GFOD2: variants seen among roughly 807,000 people sequenced by gnomAD.
The protein encoded by GFOD2 is glucose-fructose oxidoreductase domain-containing protein 2.
Under a neutral mutation model 24.6 loss-of-function variants are expected in GFOD2, and 9 were observed. The observed-to-expected ratio is 0.37, with a 90% confidence interval of 0.22 to 0.64. GFOD2 has a LOEUF of 0.64. Among genes scored for constraint, GFOD2 ranks in the 30% least tolerant of loss-of-function variants. GFOD2 has a pLI of 0.65. For missense variants in GFOD2, 476 were observed against 532.5 expected (o/e 0.89, Z 1.04); for synonymous variants, 211 against 224.8 (o/e 0.94, Z 0.55).
At chr16:67,716,264 T>C (rs779962944) in intron 1 of GFOD2, among the ~76,000 whole-genome samples, 5 of 152,212 alleles carry the variant, frequency 3.3e-5, no homozygotes, top group Non-Finnish European at 7.3e-5. Flanking sequence ...TTCCTCATGG[T>C]TGGCCTGTCA....
intron 2 of GFOD2, chr16:67,676,271 G>A: frequency 3.5e-6 from 2 of 571,350 alleles, no homozygotes; most frequent in Non-Finnish European, 6.1e-6. Context: ...GGGACCACAG[G>A]TGTGTACCAC....
intron 1 of GFOD2, among the ~76,000 whole-genome samples, chr16:67,716,986 T>C (rs2053511111): frequency 6.6e-6 from 1 of 152,166 alleles, no homozygotes; most frequent in Non-Finnish European, 1.5e-5. Context: ...AAATTTTGCC[T>C]CCCAGGTTCA....
intron 1 of GFOD2, among the ~76,000 whole-genome samples, chr16:67,686,110 TA>T (rs560322900): frequency 6.2e-4 from 94 of 152,016 alleles, no homozygotes; most frequent in African/African-American, 2.0e-3. Context: ...TCATCTCTAT[TA>T]AAAAATATAT....
At chr16:67,712,920 G>A (rs2053486169) in intron 1 of GFOD2, among the ~76,000 whole-genome samples, 1 of 117,908 alleles carries the variant, frequency 8.5e-6, no homozygotes, top group Non-Finnish European at 1.6e-5. Flanking sequence ...GATGTGGGGA[G>A]CACCTCTGCC....
chr16:67,682,433 G>A, intron 2 of GFOD2: 3 of 985,270 alleles, frequency 3.0e-6, no homozygotes, highest in Non-Finnish European at 3.6e-6. Context: ...ATTCAACTGT[G>A]GCAAAGATGC....
chr16:67,715,835 C>CAAA (rs780303741), intron 1 of GFOD2, among the ~76,000 whole-genome samples: 2 of 124,696 alleles, frequency 1.6e-5, no homozygotes, highest in Non-Finnish European at 3.5e-5. Flanking sequence ...CCCATCTCTA[C>CAAA]AAAAAAAAAA....
At chr16:67,702,533 G>A (rs138015262) in intron 1 of GFOD2, among the ~76,000 whole-genome samples, 23 of 150,272 alleles carry the variant, frequency 1.5e-4, no homozygotes, top group Non-Finnish European at 3.2e-4. Context: ...CCTGCCCTAC[G>A]CTCTGTTATA....
In GFOD2 at chr16:67,682,226, C is replaced by T. The variant is rs993626308; in HGVS notation, c.259+3231G>A. ...CTAATTTTTGTGTTTTTAGTATAGACGAGGTTTCACCAGGTTGGTCAGGCT... is the reference window on the plus strand; with the variant it reads ...CTAATTTTTGTGTTTTTAGTATAGATGAGGTTTCACCAGGTTGGTCAGGCT... On this transcript the variant is annotated intron_variant, in intron 2 of 2. Coordinates refer to ENST00000268797, the MANE Select transcript of GFOD2 (RefSeq NM_030819.4). 6.8e-5 allele frequency: 26 copies of T among 384,020 alleles called. No homozygotes were observed. The Admixed American group carries it at 1.3e-3, about 19-fold the overall frequency. 23.8% of individuals were successfully genotyped at this position (384,020 alleles called of 1,614,324 possible). A position where few individuals can be genotyped will look rare whatever the true frequency, so the allele number is the denominator to read the frequency against.
At chr16:67,680,311 G>C (rs113675453) in intron 2 of GFOD2, 1 of 152,386 alleles carries the variant, frequency 6.6e-6, no homozygotes, top group Non-Finnish European at 1.5e-5. Flanking sequence ...TAGGGTGGAA[G>C]AATCACTTGA....
chr16:67,711,511 G>C (rs1002319882), intron 1 of GFOD2, among the ~76,000 whole-genome samples: 4 of 152,090 alleles, frequency 2.6e-5, no homozygotes, highest in African/African-American at 9.7e-5. Flanking sequence ...GTTCCATTCA[G>C]TGTCATGGCT....
At chr16:67,716,960 G>C (rs1333559753) in intron 1 of GFOD2, among the ~76,000 whole-genome samples, 1 of 152,044 alleles carries the variant, frequency 6.6e-6, no homozygotes, top group African/African-American at 2.4e-5. Context: ...GCAATGGCGC[G>C]ATCTCGACTC....
intron 2 of GFOD2, chr16:67,683,435 C>T (rs951725109): frequency 1.1e-4 from 138 of 1,229,660 alleles, no homozygotes; most frequent in Non-Finnish European, 1.3e-4. Flanking sequence ...TGACCAATAG[C>T]GGCTTGCTTC....
chr16:67,711,260 C>G (rs2053471187), intron 1 of GFOD2, among the ~76,000 whole-genome samples: 1 of 152,166 alleles, frequency 6.6e-6, no homozygotes, highest in Non-Finnish European at 1.5e-5. Flanking sequence ...CAATTAAATC[C>G]AGTGGTCAAT....
chr16:67,701,301 A>G (rs1372888075), intron 1 of GFOD2, among the ~76,000 whole-genome samples: 1 of 152,198 alleles, frequency 6.6e-6, no homozygotes, highest in Non-Finnish European at 1.5e-5. Flanking sequence ...ACAAAAACCT[A>G]TATGTGAATG....
chr16:67,708,044 T>C (rs2053450398), intron 1 of GFOD2, among the ~76,000 whole-genome samples: 1 of 152,344 alleles, frequency 6.6e-6, no homozygotes, highest in South Asian at 2.1e-4. Context: ...GGCTACATTC[T>C]AGAGTGATGG....
At chr16:67,690,143 A>G (rs2053300038) in intron 1 of GFOD2, among the ~76,000 whole-genome samples, 1 of 152,220 alleles carries the variant, frequency 6.6e-6, no homozygotes, top group South Asian at 2.1e-4. Context: ...CATGGTGTAC[A>G]AATATCTCTT....
chr16:67,692,298 C>T (rs1026890256), intron 1 of GFOD2, among the ~76,000 whole-genome samples: 1 of 147,314 alleles, frequency 6.8e-6, no homozygotes, highest in Non-Finnish European at 1.5e-5. Flanking sequence ...AATACACACA[C>T]AGGCTGAGTG....
intron 2 of GFOD2, chr16:67,680,913 C>T (rs914042762): frequency 1.0e-6 from 1 of 985,388 alleles, no homozygotes; most frequent in African/African-American, 1.7e-5. Context: ...AGAAGCTTTA[C>T]AACAGGTACT....
chr16:67,705,397 A>G (rs1453129393), intron 1 of GFOD2, among the ~76,000 whole-genome samples: 3 of 152,078 alleles, frequency 2.0e-5, no homozygotes. Context: ...CAGTAGAGAC[A>G]GGGTTTTGCC....
Sources: gnomAD v4.1 joint callset for allele counts (sites outside exome capture counted in the v4.1 genomes callset) on GRCh38, gnomAD v4.1.1 for gene constraint, MANE v1.5 for transcripts, NCBI Gene and HGNC (gene_info 2026-07-23, HGNC 2026-07-21) for gene names.